The following PNOC variants were observed in gnomAD, a reference collection of about 807,000 sequenced individuals.
PNOC encodes prepronociceptin.
Under a neutral mutation model 15.6 loss-of-function variants are expected in PNOC, and 10 were observed. The observed-to-expected ratio is 0.64, with a 90% CI of 0.40 to 1.09. The LOEUF (loss-of-function observed/expected upper bound fraction) is 1.09, where lower values mean the gene tolerates loss of function less well. Among genes scored for constraint, PNOC ranks in the 50% least tolerant of loss-of-function variants. The pLI is 0.01. For missense variants in PNOC, 220 were observed against 223.9 expected, an observed-to-expected ratio of 0.98 and a Z score of 0.11; for synonymous variants, 98 against 88.5, an observed-to-expected ratio of 1.11 and a Z score of -0.60.
intron 2 of PNOC, among the ~76,000 whole-genome samples, chr8:28,332,960 A>G (rs570174554): frequency 6.6e-6 from 1 of 152,326 alleles, no homozygotes; most frequent in African/African-American, 2.4e-5. Context: ...CAATCAATCA[A>G]TAAAATTCCC....
chr8:28,325,643 C>T (rs1413277970), intron 1 of PNOC, among the ~76,000 whole-genome samples: 4 of 129,010 alleles, frequency 3.1e-5, no homozygotes, highest in Admixed American at 8.6e-5. Flanking sequence ...CAGAGTGAGA[C>T]TCTGTCTCAA....
At chr8:28,321,090 G>A (rs1185030463) in intron 1 of PNOC, among the ~76,000 whole-genome samples, 2 of 151,990 alleles carry the variant, frequency 1.3e-5, no homozygotes, top group Non-Finnish European at 2.9e-5. Flanking sequence ...CCACACTGGA[G>A]TGCAGTGGCA....
intron 2 of PNOC, 88 bp downstream of exon 2, chr8:28,329,371 C>T: frequency 2.0e-6 from 3 of 1,483,448 alleles, no homozygotes; most frequent in Non-Finnish European, 2.8e-6. Flanking sequence ...GAGTGAGAAG[C>T]CAAGGCCTCT....
chr8:28,329,178 C>A lies in PNOC; in HGVS notation c.21C>A (p.Asp7Glu). 1 of 1,613,940 alleles carries A rather than the reference C, an allele frequency of 6.2e-7. No individual in the cohort carries two copies. Among genetic ancestry groups the A allele is most frequent in the South Asian group, 1.1e-5 (1 of 91,084 alleles). The change falls in exon 2 of 4, where the codon GAC becomes GAA. Residue 7 changes from aspartate to glutamate, a missense_variant. By Grantham distance (45) the Asp-to-Glu change is conservative. Transcript: ENST00000301908. The stretch of plus-strand genomic sequence containing the variant: ...GCACCATGAAAGTCCTGCTTTGTGA[C>A]CTGCTGCTGCTCAGTCTCTTCTCCA... MKVLLC[D>E]LLLLSLFSSV...
In PNOC at chr8:28,342,943, C is replaced by T. The variant is rs981299260; in HGVS notation, c.*49C>T. ...TTTTAACCATTTCTGTCTCCCCAGG[C>T]GTCCAGGTGATCCCCCAAACAGCAT... is the stretch of plus-strand genomic sequence containing the variant. On this transcript the variant is annotated splice_region_variant and 3_prime_UTR_variant, in exon 4 of 4. Coordinates refer to ENST00000301908, the MANE Select transcript of PNOC (RefSeq NM_006228.5). 4.4e-5 allele frequency: 43 copies of T among 983,818 alleles called. No individual in the cohort carries two copies. Among genetic ancestry groups the T allele is most frequent in the Middle Eastern group, 5.2e-4 (1 of 1,932 alleles). The allele number at this position is 983,818 out of a possible 1,614,324, so 60.9% of individuals were successfully genotyped here.
chr8:28,323,945 T>G (rs1051788892), intron 1 of PNOC, among the ~76,000 whole-genome samples: 16 of 152,262 alleles, frequency 1.1e-4, no homozygotes, highest in African/African-American at 3.9e-4. Flanking sequence ...ATCTCCATTT[T>G]GCAGATTCTG....
chr8:28,339,549 A>G, intron 3 of PNOC, 58 bp downstream of exon 3: 1 of 1,340,904 alleles, frequency 7.5e-7, no homozygotes, highest in Non-Finnish European at 9.7e-7. Flanking sequence ...CAACTGTCTT[A>G]GCCTTGCTCC....
intron 1 of PNOC, among the ~76,000 whole-genome samples, chr8:28,317,667 A>C (rs1801081153): frequency 6.6e-6 from 1 of 152,042 alleles, no homozygotes; most frequent in African/African-American, 2.4e-5. Flanking sequence ...GAGGAGGGGC[A>C]GGCACTTGGG....
intron 1 of PNOC, among the ~76,000 whole-genome samples, chr8:28,322,005 A>T (rs924625651): frequency 6.6e-6 from 1 of 152,226 alleles, no homozygotes; most frequent in African/African-American, 2.4e-5. Flanking sequence ...GAAATGGGGC[A>T]TCGGGAAGAC....
intron 1 of PNOC, 37 bp from the exon 2 acceptor site, chr8:28,329,098 T>C: frequency 6.2e-7 from 1 of 1,603,690 alleles, no homozygotes; most frequent in East Asian, 2.2e-5. Flanking sequence ...CCTCCGAGAA[T>C]GGCTGTACTC....
At chr8:28,338,046 A>T (rs1162353626) in intron 2 of PNOC, among the ~76,000 whole-genome samples, 1 of 152,196 alleles carries the variant, frequency 6.6e-6, no homozygotes, top group Non-Finnish European at 1.5e-5. Flanking sequence ...GGTGACCTGG[A>T]AGCCAGGCAG....
chr8:28,325,122 T>C (rs1484207136), intron 1 of PNOC, among the ~76,000 whole-genome samples: 1 of 152,070 alleles, frequency 6.6e-6, no homozygotes. Flanking sequence ...AAAGCGCATA[T>C]CACCGCCACT....
Position 28,339,068 on chromosome 8 carries a change from T to C in PNOC, c.155T>C (p.Val52Ala). 1 of 1,589,676 alleles carries C rather than the reference T, an allele frequency of 6.3e-7. No homozygotes were observed. The highest frequency in any genetic ancestry group is 8.6e-7 in the Non-Finnish European group (1 of 1,160,016). Residue 52 changes from valine to alanine, a missense_variant, in exon 3 of 4, where the codon GTC becomes GCC. Physicochemically the swap from Val to Ala is moderately conservative, Grantham distance 64. Coordinates refer to ENST00000301908, the MANE Select transcript of PNOC (RefSeq NM_006228.5). Reference protein sequence around the residue: ...EVCILECEEKVFPSPLWTPCT... With the variant: ...EVCILECEEKAFPSPLWTPCT... ...TGCATCCTCGAGTGTGAAGAGAAGG[T>C]CTTCCCCAGCCCCCTCTGGACTCCA... is the stretch of plus-strand genomic sequence containing the variant.
intron 1 of PNOC, among the ~76,000 whole-genome samples, chr8:28,325,754 G>A (rs1186494676): frequency 6.6e-6 from 1 of 151,962 alleles, no homozygotes. Context: ...GGCTATGCAA[G>A]GTTAGGTGCC....
chr8:28,330,400 T>TATTTTATTTTTTTTTTTTTTTTTC (rs1431540071), intron 2 of PNOC, among the ~76,000 whole-genome samples: 1 of 102,228 alleles, frequency 9.8e-6, no homozygotes. Flanking sequence ...TATTTTATTT[T>TATTTTATTTTTTTTTTTTTTTTTC]TTTTTTTTTT....
intron 2 of PNOC, among the ~76,000 whole-genome samples, chr8:28,329,956 AT>A (rs527385260): frequency 1.3e-5 from 2 of 151,532 alleles, no homozygotes; most frequent in South Asian, 4.2e-4. Flanking sequence ...TTATTTATTC[AT>A]TTTTTTTGAG....
chr8:28,342,348 C>A (rs1395081467), intron 3 of PNOC, among the ~76,000 whole-genome samples: 2 of 105,566 alleles, frequency 1.9e-5, no homozygotes, highest in Non-Finnish European at 4.0e-5. Flanking sequence ...GAAAGAAACC[C>A]CATCTCAAAA....
At position 28,323,678 on chromosome 8, in the gene PNOC, T is replaced by C. The variant is rs1801181509; in HGVS notation, c.-23-5457T>C. On this transcript the variant is annotated intron_variant, in intron 1 of 3. Transcript: ENST00000301908. Reference sequence around the variant, plus strand: ...AACTCGTGAATTAACTAAGTACTCATCTCCATTTAAATACAGAACATCATC... The same window carrying C: ...AACTCGTGAATTAACTAAGTACTCACCTCCATTTAAATACAGAACATCATC... Among the ~76,000 whole-genome samples, 2 of 152,194 alleles carry C rather than the reference T, an allele frequency of 1.3e-5. 1 individual carries two copies. The highest frequency in any genetic ancestry group is 4.8e-5 in the African/African-American group (2 of 41,448).
chr8:28,330,400 T>TATTTTTTTTTTTATTTTTA (rs1431540071), intron 2 of PNOC, among the ~76,000 whole-genome samples: 4 of 102,228 alleles, frequency 3.9e-5, no homozygotes, highest in Admixed American at 1.0e-4. Context: ...TATTTTATTT[T>TATTTTTTTTTTTATTTTTA]TTTTTTTTTT....
Sources: allele counts gnomAD v4.1 joint callset (sites outside exome capture counted in the v4.1 genomes callset), GRCh38; gene constraint gnomAD v4.1.1; transcripts MANE v1.5; gene names NCBI Gene and HGNC (gene_info 2026-07-23, HGNC 2026-07-21).